ACAN: variants seen among roughly 807,000 people sequenced by gnomAD.
The protein encoded by ACAN is aggrecan core protein.
Under a neutral mutation model 169.1 loss-of-function variants are expected in ACAN, and 47 were observed. The observed-to-expected ratio is 0.28, with a 90% CI of 0.22 to 0.35. ACAN has a LOEUF of 0.35. Among genes scored for constraint, ACAN ranks in the 10% least tolerant of loss-of-function variants. The probability of loss-of-function intolerance (pLI) is 1.00; values close to 1 mark genes in which losing one functional copy is unlikely to be tolerated. For synonymous variants in ACAN, 1,115 were observed against 1,112.2 expected, an observed-to-expected ratio of 1.00 and a Z score of -0.05; for missense variants, 2,716 against 2,759.9, an observed-to-expected ratio of 0.98 and a Z score of 0.36.
Position 88,843,091 on chromosome 15 carries a change from G to A in ACAN, c.758-264G>A, listed in dbSNP as rs1357685987. Among the ~76,000 whole-genome samples, 1 of 152,176 alleles carries A rather than the reference G, an allele frequency of 6.6e-6. No homozygotes were observed. Among genetic ancestry groups the A allele is most frequent in the Non-Finnish European group, 1.5e-5 (1 of 68,036 alleles). On this transcript the variant is annotated intron_variant, in intron 5 of 18. Coordinates refer to ENST00000560601, the MANE Select transcript of ACAN (RefSeq NM_001369268.1). The surrounding 1 kb of genome is among the most constrained non-coding windows in gnomAD (Gnocchi z 4.0). ...GCAGAATTTTCCTCCCAGATTTCAA[G>A]TTTGCTCCACCCTTTGCCCAATCTC...
In ACAN at chr15:88,843,603, G is replaced by A. The variant is rs1243539781; in HGVS notation, c.1006G>A (p.Gly336Ser). The A allele has an allele frequency of 3.1e-6, 5 of 1,598,908 alleles. No individual in the cohort carries two copies. Among genetic ancestry groups the A allele is most frequent in the South Asian group, 1.1e-5 (1 of 90,626 alleles). The change falls in exon 6 of 19, where the codon GGC (glycine) becomes AGC (serine). Residue 336 changes from glycine (G) to serine (S), a missense_variant. This residue lies in a region of ACAN where 1,283 missense variants were observed against 1,281.5 expected (regional missense o/e 1.00). Transcript: ENST00000560601. The surrounding 1 kb of genome is among the most constrained non-coding windows in gnomAD (Gnocchi z 4.0). ...CGTCTACGTGCATGCCAACCAGACG[G>A]GCTACCCCGACCCCTCATCCCGCTA... ...RTVYVHANQT[G>S]YPDPSSRYDA...
chr15:88,826,779 C>A (rs559048327), intron 1 of ACAN, among the ~76,000 whole-genome samples: 5 of 152,264 alleles, frequency 3.3e-5, no homozygotes, highest in African/African-American at 1.2e-4. Flanking sequence ...TCCCCATATC[C>A]CCCTTGATTT....
intron 1 of ACAN, among the ~76,000 whole-genome samples, chr15:88,821,462 T>C (rs1355604932): frequency 6.6e-6 from 1 of 152,178 alleles, no homozygotes; most frequent in African/African-American, 2.4e-5. Flanking sequence ...TATTCCCCCA[T>C]TGCATCCCTG....
chr15:88,860,458 G>A lies in ACAN; in HGVS notation c.6946+19G>A, dbSNP rs367805223. On this transcript the variant is annotated intron_variant, in intron 13 of 18. Transcript: ENST00000560601. ...AACATAGGTAAGGCCCTCATTGGCCGTGGAGAGTGAGGGCGGAGGCGCTGG... is the reference window on the plus strand; with the variant it reads ...AACATAGGTAAGGCCCTCATTGGCCATGGAGAGTGAGGGCGGAGGCGCTGG... 33 of 1,596,810 alleles carry A rather than the reference G, an allele frequency of 2.1e-5. No individual in the cohort carries two copies. The highest frequency in any genetic ancestry group is 8.9e-5 in the South Asian group (8 of 90,002).
In ACAN at chr15:88,855,250, G is replaced by A. The variant is rs764571461; in HGVS notation, c.2665G>A (p.Asp889Asn). The part of the protein sequence containing the change: ...HLDFSGQLSG[D>N]RASGLPSGDL... ...TGACTTCAGTGGGCAGCTGTCAGGG[G>A]ACAGGGCAAGTGGACTGCCCTCTGG... Residue 889 changes from aspartate (D) to asparagine (N), a missense_variant, in exon 12 of 19, where the codon GAC becomes AAC. Asp to Asn is a conservative substitution (Grantham distance 23, BLOSUM62 1). This residue lies in a region of ACAN where 1,283 missense variants were observed against 1,281.5 expected (regional missense o/e 1.00). Coordinates refer to ENST00000560601, the MANE Select transcript of ACAN (RefSeq NM_001369268.1). The A allele has an allele frequency of 6.2e-7, 1 of 1,606,712 alleles. No homozygotes were observed. Among genetic ancestry groups the A allele is most frequent in the East Asian group, 2.2e-5 (1 of 44,632 alleles).
At position 88,848,188 on chromosome 15, in the gene ACAN, G is replaced by T. The variant is rs574518895; in HGVS notation, c.1732+150G>T. ...GGTGGGAAAGGGTCCTGCTGAAAAA[G>T]GAAGGCCCCCAGCCCCTCCCTCAGA... is the stretch of plus-strand genomic sequence containing the variant. On this transcript the variant is annotated intron_variant, in intron 9 of 18. Transcript: ENST00000560601. 12 of 1,185,744 alleles carry T rather than the reference G, an allele frequency of 1.0e-5. No homozygotes were observed. The East Asian group carries it at 2.9e-4, about 29-fold the overall frequency. The allele number at this position is 1,185,744 out of a possible 1,614,324, so 73.5% of individuals were successfully genotyped here. A position where few individuals can be genotyped will look rare whatever the true frequency, so the allele number is the denominator to read the frequency against.
In ACAN at chr15:88,840,077, G is replaced by T; in HGVS notation, c.520G>T (p.Ala174Ser). 6.2e-7 allele frequency: 1 copy of T among 1,602,796 alleles called. No individual in the cohort carries two copies. The highest frequency in any genetic ancestry group is 1.1e-5 in the South Asian group (1 of 88,868). ...YTLDFDRAQR[A>S]CLQNSAIIAT... ...CCTCGACTTTGACAGGGCGCAGCGG[G>T]CCTGCCTGCAGAACAGTGCCATCAT... The change falls in exon 4 of 19, where the codon GCC becomes TCC. Residue 174 changes from alanine (A) to serine (S), a missense_variant. By Grantham distance (99) the Ala-to-Ser change is moderately conservative. Transcript: ENST00000560601.
At position 88,869,121 on chromosome 15, in the gene ACAN, T is replaced by G. The variant is rs1371437653; in HGVS notation, c.7060+792T>G. ...CAGGGACAGACTGAACCCTCAGCTCTCTCACCTTTGGTGCTTCCTAGTCTC... is the reference window on the plus strand; with the variant it reads ...CAGGGACAGACTGAACCCTCAGCTCGCTCACCTTTGGTGCTTCCTAGTCTC... On this transcript the variant is annotated intron_variant, in intron 14 of 18. Transcript: ENST00000560601. This position sits in a 1 kb window ranked among gnomAD's most constrained non-coding sequence, Gnocchi z 4.2. Among the ~76,000 whole-genome samples, 1 of 152,096 alleles carries G rather than the reference T, an allele frequency of 6.6e-6. No homozygotes were observed. Among genetic ancestry groups the G allele is most frequent in the Non-Finnish European group, 1.5e-5 (1 of 68,024 alleles).
chr15:88,844,995 T>C (rs1381081354), intron 6 of ACAN, among the ~76,000 whole-genome samples: 2 of 152,226 alleles, frequency 1.3e-5, no homozygotes, highest in African/African-American at 4.8e-5. Context: ...ACCACTCTTT[T>C]GGAAGTAGTA....
intron 4 of ACAN, among the ~76,000 whole-genome samples, chr15:88,841,111 C>T: frequency 6.6e-6 from 1 of 152,234 alleles, no homozygotes; most frequent in East Asian, 1.9e-4. Context: ...CGCCACTGCA[C>T]TCCAGCCTAG....
chr15:88,842,435 C>T lies in ACAN; in HGVS notation c.757+568C>T, dbSNP rs140451561. Among the ~76,000 whole-genome samples the T allele has an allele frequency of 5.1e-3, 783 of 152,254 alleles. 5 individuals are homozygous for T. Among genetic ancestry groups the T allele is most frequent in the African/African-American group, 0.017 (722 of 41,534 alleles). On this transcript the variant is annotated intron_variant, in intron 5 of 18. Coordinates refer to ENST00000560601, the MANE Select transcript of ACAN (RefSeq NM_001369268.1). ...GTTACCCACGCACGTGGATGACACC[C>T]TTTCCCCCATCTGCACCCATATATT...
intron 1 of ACAN, among the ~76,000 whole-genome samples, chr15:88,831,224 C>T (rs1204689523): frequency 6.6e-6 from 1 of 152,208 alleles, no homozygotes; most frequent in African/African-American, 2.4e-5. Flanking sequence ...TCCTTGGAGC[C>T]CTGGGAAGGG....
In ACAN at chr15:88,856,762, G is replaced by A. The variant is rs1897052024; in HGVS notation, c.4177G>A (p.Gly1393Arg). 2 of 975,224 alleles carry A rather than the reference G, an allele frequency of 2.1e-6. No individual in the cohort carries two copies. Among genetic ancestry groups the A allele is most frequent in the Non-Finnish European group, 1.5e-6 (1 of 668,814 alleles). The allele number at this position is 975,224 out of a possible 1,614,324, so 60.4% of individuals were successfully genotyped here. A position where few individuals can be genotyped will look rare whatever the true frequency, so the allele number is the denominator to read the frequency against. Residue 1393 changes from glycine to arginine, a missense_variant, in exon 12 of 19, where the codon GGG (glycine) becomes AGG (arginine). Around this residue, in one of 3 missense-constraint regions of ACAN, gnomAD observed 44 missense variants for 114.7 expected, o/e 0.38. Coordinates refer to ENST00000560601, the MANE Select transcript of ACAN (RefSeq NM_001369268.1). ...TAAPGVEDIS[G>R]LPSGEVLETT... The stretch of plus-strand genomic sequence containing the variant: ...TGCCCCTGGAGTAGAGGACATCAGC[G>A]GGCTTCCTTCTGGAGAAGTTCTAGA...
Position 88,849,339 on chromosome 15 carries a change from C to G in ACAN, c.1733-99C>G. ...GATGGAGCTGGGCTGGGTCTTAGCC[C>G]TGGTGAGGAGGGTTAGAGGAACTCT... On this transcript the variant is annotated intron_variant, in intron 9 of 18. Transcript: ENST00000560601. This position sits in a 1 kb window ranked among gnomAD's most constrained non-coding sequence, Gnocchi z 5.1. The G allele has an allele frequency of 1.6e-6, 2 of 1,252,336 alleles. No individual in the cohort carries two copies. Among genetic ancestry groups the G allele is most frequent in the African/African-American group, 3.0e-5 (2 of 66,108 alleles). 77.6% of individuals were successfully genotyped at this position (1,252,336 alleles called of 1,614,324 possible).
At position 88,868,402 on chromosome 15, in the gene ACAN, A is replaced by C. The variant is rs1297277142; in HGVS notation, c.7060+73A>C. On this transcript the variant is annotated intron_variant, in intron 14 of 18. Transcript: ENST00000560601. The surrounding 1 kb of genome is among the most constrained non-coding windows in gnomAD (Gnocchi z 5.2). ...TCCTCCTCCCTCACCTTTCCCTCCT[A>C]ACAACAGGCTCCAGGCCCTGGCTGG... The C allele has an allele frequency of 2.4e-5, 16 of 662,788 alleles. No individual in the cohort carries two copies. Among genetic ancestry groups the C allele is most frequent in the Non-Finnish European group, 3.3e-5 (12 of 363,254 alleles). 41.1% of individuals were successfully genotyped at this position (662,788 alleles called of 1,614,324 possible). A position where few individuals can be genotyped will look rare whatever the true frequency, so the allele number is the denominator to read the frequency against.
Position 88,858,552 on chromosome 15 carries a change from C to T in ACAN, c.5967C>T (p.Ser1989=), listed in dbSNP as rs201107277. ...TTCTGGACCTAAGTGGGCTGCAGTC[C>T]GGGCTGATAGAGCCCAGCGGAGAGC... ...SGFLDLSGLQ[S]GLIEPSGEPP... Residue 1989 remains serine, a synonymous_variant, in exon 12 of 19, where the codon TCC becomes TCT. Coordinates refer to ENST00000560601, the MANE Select transcript of ACAN (RefSeq NM_001369268.1). This position sits in a 1 kb window ranked among gnomAD's most constrained non-coding sequence, Gnocchi z 4.0. 2,777 of 1,613,830 alleles carry T rather than the reference C, an allele frequency of 1.7e-3. 3 individuals are homozygous for T. Among genetic ancestry groups the T allele is most frequent in the Non-Finnish European group, 2.2e-3 (2,626 of 1,179,884 alleles).
chr15:88,850,038 G>A (rs912445002), intron 10 of ACAN: 4 of 597,580 alleles, frequency 6.7e-6, no homozygotes, highest in Non-Finnish European at 1.2e-5. Flanking sequence ...TGTGAAAATG[G>A]AGATATAATG....
At position 88,851,775 on chromosome 15, in the gene ACAN, C is replaced by T; in HGVS notation, c.2027-19C>T. The T allele has an allele frequency of 2.6e-6, 4 of 1,557,270 alleles. No individual in the cohort carries two copies. Among genetic ancestry groups the T allele is most frequent in the Non-Finnish European group, 3.5e-6 (4 of 1,150,360 alleles). ...CTGGTAAGAGAGGGACTCACTCTGA[C>T]CACCCACATCTCCTTTAGGCATTTC... On this transcript the variant is annotated intron_variant, in intron 10 of 18. Transcript: ENST00000560601. This position sits in a 1 kb window ranked among gnomAD's most constrained non-coding sequence, Gnocchi z 4.3.
rs376535037 is a variant in ACAN at position 88,871,480 on chromosome 15, C to A, written c.7159C>A (p.Arg2387=). 1 of 1,613,828 alleles carries A rather than the reference C, an allele frequency of 6.2e-7. No homozygotes were observed. The highest frequency in any genetic ancestry group is 8.5e-7 in the Non-Finnish European group (1 of 1,179,858). ...CTGGGTGGATGCTGAGCGCCGGTGT[C>A]GGGAGCAGCAGTCACACCTGAGCAG... is the stretch of plus-strand genomic sequence containing the variant. ...ETWVDAERRC[R]EQQSHLSSIV... Residue 2387 remains arginine (R), a synonymous_variant, in exon 15 of 19, where the codon CGG becomes AGG. Transcript: ENST00000560601. The surrounding 1 kb of genome is among the most constrained non-coding windows in gnomAD (Gnocchi z 7.8).
Sources: gnomAD v4.1 joint callset for allele counts (sites outside exome capture counted in the v4.1 genomes callset) on GRCh38, gnomAD v4.1.1 for gene constraint, gnomAD v4.1.1 regional missense constraint, Gnocchi (gnomAD v3.1) non-coding constraint, MANE v1.5 for transcripts, NCBI Gene and HGNC (gene_info 2026-07-23, HGNC 2026-07-21) for gene names.